TAFA1: variants seen among roughly 807,000 people sequenced by gnomAD.
TAFA1 encodes the protein chemokine-like protein TAFA-1.
TAFA1 carries 4 observed loss-of-function variants against 18.5 expected under a neutral mutation model. The observed-to-expected ratio is 0.22, with a 90% CI of 0.11 to 0.49. The LOEUF (loss-of-function observed/expected upper bound fraction) is 0.49, where lower values mean the gene tolerates loss of function less well. Among genes scored for constraint, TAFA1 ranks in the 20% least tolerant of loss-of-function variants. The pLI is 0.98. For synonymous variants in TAFA1, 56 were observed against 55.2 expected, an observed-to-expected ratio of 1.01 and a Z score of -0.06; for missense variants, 147 against 169.0, an observed-to-expected ratio of 0.87 and a Z score of 0.72.
chr3:68,524,233 T>C (rs925968249), intron 3 of TAFA1, among the ~76,000 whole-genome samples: 2 of 152,122 alleles, frequency 1.3e-5, no homozygotes, highest in African/African-American at 2.4e-5. Flanking sequence ...CTGCTCCACA[T>C]GACTTTTCAG....
intron 2 of TAFA1, among the ~76,000 whole-genome samples, chr3:68,065,502 G>C (rs2064662274): frequency 6.6e-6 from 1 of 151,996 alleles, no homozygotes; most frequent in African/African-American, 2.4e-5. Context: ...AAACCCTTGA[G>C]GTTATTGAGC....
chr3:68,067,795 A>G (rs151247594), intron 2 of TAFA1, among the ~76,000 whole-genome samples: 23 of 151,348 alleles, frequency 1.5e-4, no homozygotes, highest in African/African-American at 5.1e-4. Context: ...ACATTTACTG[A>G]TTGCCTATTC....
chr3:68,241,798 T>G (rs889678078), intron 2 of TAFA1, among the ~76,000 whole-genome samples: 4 of 152,170 alleles, frequency 2.6e-5, no homozygotes, highest in African/African-American at 9.7e-5. Context: ...GTTTTATTTT[T>G]CATCCGCCAT....
At chr3:68,018,538 T>G (rs938606576) in intron 2 of TAFA1, among the ~76,000 whole-genome samples, 1 of 152,162 alleles carries the variant, frequency 6.6e-6, no homozygotes. Flanking sequence ...TACCCAGTAG[T>G]AATAGAAATG....
At chr3:68,452,580 T>C (rs925098477) in intron 3 of TAFA1, among the ~76,000 whole-genome samples, 2 of 149,742 alleles carry the variant, frequency 1.3e-5, no homozygotes, top group African/African-American at 4.9e-5. Context: ...TGTCTACTAC[T>C]ATGCTTACTC....
intron 2 of TAFA1, among the ~76,000 whole-genome samples, chr3:68,114,050 A>G (rs1466590606): frequency 2.6e-5 from 4 of 151,818 alleles, no homozygotes; most frequent in Admixed American, 1.3e-4. Context: ...AATTACAGGC[A>G]CCCGCCACCA....
chr3:68,106,613 C>G (rs946630435), intron 2 of TAFA1, among the ~76,000 whole-genome samples: 3 of 152,022 alleles, frequency 2.0e-5, no homozygotes, highest in African/African-American at 7.3e-5. Context: ...ATACAAAAAT[C>G]TATGCTTTAT....
Position 68,337,353 on chromosome 3 carries a change from T to C in TAFA1, c.119-79927T>C, listed in dbSNP as rs188133686. Among the ~76,000 whole-genome samples, 51 of 152,064 alleles carry C rather than the reference T, an allele frequency of 3.4e-4. No homozygotes were observed. In the South Asian group the frequency reaches 5.8e-3, roughly 17 times the overall value. On this transcript the variant is annotated intron_variant, in intron 2 of 4. Coordinates refer to ENST00000478136, the MANE Select transcript of TAFA1 (RefSeq NM_213609.4). ...TTAAACAATCATATCTCATGAGACC[T>C]CACTTACTGTCACGAGTAGAACAAG...
intron 2 of TAFA1, among the ~76,000 whole-genome samples, chr3:68,102,678 C>A (rs2065161968): frequency 6.6e-6 from 1 of 152,188 alleles, no homozygotes; most frequent in Non-Finnish European, 1.5e-5. Flanking sequence ...CCTGAACTTG[C>A]AGGTTATCTC....
Position 68,482,951 on chromosome 3 carries a change from G to A in TAFA1, c.260-55805G>A, listed in dbSNP as rs138540228. Reference sequence around the variant, plus strand: ...GTCCTGTCCCTGGACTGTTTAATTCGTGGAGCCACTAAATTCAACTTCTTT... The same window carrying A: ...GTCCTGTCCCTGGACTGTTTAATTCATGGAGCCACTAAATTCAACTTCTTT... On this transcript the variant is annotated intron_variant, in intron 3 of 4. Transcript: ENST00000478136. 5.9e-3 allele frequency among the ~76,000 whole-genome samples: 904 copies of A among 152,294 alleles called. 10 individuals carry two copies. The highest frequency in any genetic ancestry group is 0.014 in the South Asian group (69 of 4,818).
chr3:68,385,156 C>A (rs1004827751), intron 2 of TAFA1, among the ~76,000 whole-genome samples: 3 of 151,978 alleles, frequency 2.0e-5, no homozygotes, highest in African/African-American at 7.2e-5. Flanking sequence ...AATAATAGAG[C>A]CTACCTCACT....
intron 2 of TAFA1, among the ~76,000 whole-genome samples, chr3:68,233,379 G>T (rs11928305): frequency 0.84 from 127,350 of 152,148 alleles, 53,833 homozygotes; most frequent in African/African-American, 0.95. Context: ...TACCATTTAT[G>T]GAAGAGAATG....
At chr3:68,095,250 C>G (rs1389431700) in intron 2 of TAFA1, among the ~76,000 whole-genome samples, 1 of 152,164 alleles carries the variant, frequency 6.6e-6, no homozygotes, top group Non-Finnish European at 1.5e-5. Flanking sequence ...AGATGCAATC[C>G]TTTGATCTTG....
intron 2 of TAFA1, among the ~76,000 whole-genome samples, chr3:68,396,858 C>T (rs1406512800): frequency 1.3e-5 from 2 of 152,188 alleles, no homozygotes; most frequent in Non-Finnish European, 2.9e-5. Context: ...TACTCAGTGT[C>T]CTCTGAATAG....
intron 2 of TAFA1, among the ~76,000 whole-genome samples, chr3:68,375,112 A>AT (rs2069783504): frequency 6.6e-6 from 1 of 152,024 alleles, no homozygotes; most frequent in Non-Finnish European, 1.5e-5. Context: ...ATTCTACCAG[A>AT]TTTTTTTGTG....
intron 3 of TAFA1, among the ~76,000 whole-genome samples, chr3:68,533,178 A>G (rs911839329): frequency 6.6e-6 from 1 of 152,100 alleles, no homozygotes; most frequent in South Asian, 2.1e-4. Flanking sequence ...TGATAAAGAC[A>G]TACATAGGAC....
chr3:68,101,513 A>T lies in TAFA1; in HGVS notation c.118+94769A>T, dbSNP rs149954380. The stretch of plus-strand genomic sequence containing the variant: ...GAATACTATGCAGCCATAAAAAATG[A>T]TGAGTTCATGTCCTTTGTAGGGACA... On this transcript the variant is annotated intron_variant, in intron 2 of 4. Coordinates refer to ENST00000478136, the MANE Select transcript of TAFA1 (RefSeq NM_213609.4). Among the ~76,000 whole-genome samples the T allele has an allele frequency of 5.3e-3, 813 of 152,228 alleles. 5 individuals carry two copies. The highest frequency in any genetic ancestry group is 0.018 in the African/African-American group (767 of 41,526).
At chr3:68,125,980 C>G (rs1199860619) in intron 2 of TAFA1, among the ~76,000 whole-genome samples, 1 of 152,146 alleles carries the variant, frequency 6.6e-6, no homozygotes, top group Non-Finnish European at 1.5e-5. Context: ...TCTGTGGATT[C>G]TCAGGAACCC....
rs76687349 is a variant in TAFA1, at chr3:68,299,228, G to T, written c.119-118052G>T. Among the ~76,000 whole-genome samples the T allele has an allele frequency of 4.9e-3, 743 of 152,278 alleles. 6 individuals are homozygous for T. The highest frequency in any genetic ancestry group is 0.024 in the Middle Eastern group (7 of 292). ...TTTTATTATGACCTCTTCATACAGA[G>T]CATTTCCAAAAGACAGCTAAGTTAC... On this transcript the variant is annotated intron_variant, in intron 2 of 4. Coordinates refer to ENST00000478136, the MANE Select transcript of TAFA1 (RefSeq NM_213609.4).
Sources: allele counts gnomAD v4.1 joint callset (sites outside exome capture counted in the v4.1 genomes callset), GRCh38; gene constraint gnomAD v4.1.1; transcripts MANE v1.5; gene names NCBI Gene and HGNC (gene_info 2026-07-23, HGNC 2026-07-21).